Variants in LAMA2 observed in about 807,000 individuals in gnomAD.
LAMA2 encodes the protein laminin subunit alpha-2.
A neutral mutation model predicts 364.8 loss-of-function variants in LAMA2; 269 were observed. That is an observed-to-expected ratio of 0.74 (90% CI 0.67 to 0.82). The LOEUF is 0.82. Among genes scored for constraint, LAMA2 ranks in the 40% least tolerant of loss-of-function variants. The probability of loss-of-function intolerance (pLI) is 0.00; values close to 1 mark genes in which losing one functional copy is unlikely to be tolerated. For missense variants in LAMA2, 3,807 were observed against 3,873.2 expected (o/e 0.98, Z 0.45); for synonymous variants, 1,379 against 1,370.6 (o/e 1.01, Z -0.14).
At chr6:129,319,638 A>G (rs1021705802) in intron 27 of LAMA2, among the ~76,000 whole-genome samples, 4 of 152,190 alleles carry the variant, frequency 2.6e-5, no homozygotes, top group African/African-American at 4.8e-5. Flanking sequence ...CTTGAACAAC[A>G]TGGTGGTTAG....
Position 129,144,088 on chromosome 6 carries a change from A to G in LAMA2, c.819+8A>G. 1 of 1,601,528 alleles carries G rather than the reference A, an allele frequency of 6.2e-7. No homozygotes were observed. Among genetic ancestry groups the G allele is most frequent in the African/African-American group, 1.3e-5 (1 of 74,744 alleles). The stretch of plus-strand genomic sequence containing the variant: ...CCCATTGTCACCAGAAGAGTAAGTT[A>G]TGATGAATCATATTAGAGCCTACAA... On this transcript the variant is annotated splice_region_variant and intron_variant, in intron 5 of 64. Coordinates refer to ENST00000421865, the MANE Select transcript of LAMA2 (RefSeq NM_000426.4).
chr6:129,363,606 T>C (rs190983295), intron 32 of LAMA2, among the ~76,000 whole-genome samples: 9 of 152,214 alleles, frequency 5.9e-5, no homozygotes, highest in African/African-American at 1.9e-4. Flanking sequence ...CTACTCAAAG[T>C]GTGGTGCACA....
chr6:128,909,688 G>C (rs1456445911), intron 1 of LAMA2, among the ~76,000 whole-genome samples: 2 of 150,520 alleles, frequency 1.3e-5, no homozygotes, highest in Non-Finnish European at 3.0e-5. Context: ...GATGATGTTA[G>C]CTGGTTATTT....
intron 29 of LAMA2, among the ~76,000 whole-genome samples, chr6:129,340,626 A>G (rs1181998960): frequency 2.0e-5 from 3 of 152,056 alleles, no homozygotes; most frequent in African/African-American, 7.2e-5. Flanking sequence ...ACCTGAGGTC[A>G]GGAGTTCAAG....
chr6:129,313,253 T>C (rs1300041678), intron 23 of LAMA2, among the ~76,000 whole-genome samples, 156 bp downstream of exon 23: 1 of 152,226 alleles, frequency 6.6e-6, no homozygotes, highest in Non-Finnish European at 1.5e-5. Context: ...TTCATTGATA[T>C]GCATTTGTTG....
At chr6:129,220,524 T>A (rs1476107484) in intron 12 of LAMA2, among the ~76,000 whole-genome samples, 1 of 152,218 alleles carries the variant, frequency 6.6e-6, no homozygotes, top group Non-Finnish European at 1.5e-5. Context: ...TTATTGTTGG[T>A]CTATCAATCA....
At chr6:129,399,007 A>C (rs1234771374) in intron 37 of LAMA2, among the ~76,000 whole-genome samples, 1 of 152,194 alleles carries the variant, frequency 6.6e-6, no homozygotes, top group Non-Finnish European at 1.5e-5. Flanking sequence ...TAATAGATTC[A>C]ATGTGTTGTC....
At chr6:129,068,334 A>G (rs1773070732) in intron 3 of LAMA2, among the ~76,000 whole-genome samples, 1 of 152,232 alleles carries the variant, frequency 6.6e-6, no homozygotes, top group African/African-American at 2.4e-5. Context: ...ACAAAGTACC[A>G]GATGAGGTGG....
At chr6:129,165,992 C>T (rs547526071) in intron 9 of LAMA2, among the ~76,000 whole-genome samples, 42 of 152,082 alleles carry the variant, frequency 2.8e-4, no homozygotes, top group African/African-American at 8.7e-4. Context: ...TTTTTCATAT[C>T]GTGTTATTTA....
chr6:129,262,699 A>G (rs1244371902), intron 15 of LAMA2, among the ~76,000 whole-genome samples: 1 of 152,098 alleles, frequency 6.6e-6, no homozygotes, highest in Non-Finnish European at 1.5e-5. Flanking sequence ...TAAATTCACT[A>G]TTATTCAGTC....
At chr6:129,376,517 A>C (rs1778384101) in intron 34 of LAMA2, among the ~76,000 whole-genome samples, 1 of 152,096 alleles carries the variant, frequency 6.6e-6, no homozygotes, top group South Asian at 2.1e-4. Context: ...TCTTCCCCTG[A>C]CTTCCCTTAG....
At chr6:129,022,106 T>C (rs576627351) in intron 1 of LAMA2, among the ~76,000 whole-genome samples, 142 of 152,344 alleles carry the variant, frequency 9.3e-4, no homozygotes, top group Admixed American at 2.2e-3. Context: ...TGGTGAAGAC[T>C]AAGTGGTTTT....
At chr6:129,200,633 G>A (rs1005480723) in intron 12 of LAMA2, among the ~76,000 whole-genome samples, 5 of 151,828 alleles carry the variant, frequency 3.3e-5, no homozygotes, top group African/African-American at 1.2e-4. Flanking sequence ...TCCATGAATG[G>A]AATTAATGCC....
intron 8 of LAMA2, among the ~76,000 whole-genome samples, chr6:129,155,911 T>C (rs544235846): frequency 1.3e-5 from 2 of 152,028 alleles, no homozygotes; most frequent in South Asian, 4.1e-4. Flanking sequence ...ATATTAGGAT[T>C]ATTGCTTAGA....
chr6:129,150,895 A>G (rs1486448859), intron 7 of LAMA2, among the ~76,000 whole-genome samples: 1 of 152,182 alleles, frequency 6.6e-6, no homozygotes, highest in Non-Finnish European at 1.5e-5. Flanking sequence ...AAATCCCTCC[A>G]TAAAATGAAT....
At chr6:129,412,616 A>G (rs1390272795) in intron 40 of LAMA2, among the ~76,000 whole-genome samples, 1 of 152,242 alleles carries the variant, frequency 6.6e-6, no homozygotes, top group African/African-American at 2.4e-5. Flanking sequence ...TTAAATCCAT[A>G]TACAACAATC....
intron 37 of LAMA2, among the ~76,000 whole-genome samples, chr6:129,400,015 G>C (rs1239445125): frequency 1.3e-5 from 2 of 152,122 alleles, no homozygotes; most frequent in Admixed American, 1.3e-4. Context: ...AAACTGAGTG[G>C]CTTATATGCA....
At chr6:129,394,954 C>A (rs1298944083) in intron 37 of LAMA2, among the ~76,000 whole-genome samples, 1 of 152,120 alleles carries the variant, frequency 6.6e-6, no homozygotes, top group Non-Finnish European at 1.5e-5. Flanking sequence ...TTAAAAGTTA[C>A]TGGATAAAAT....
At chr6:128,883,844 A>C (rs981626180) in intron 1 of LAMA2, among the ~76,000 whole-genome samples, 1 of 151,344 alleles carries the variant, frequency 6.6e-6, no homozygotes, top group Non-Finnish European at 1.5e-5. Context: ...ACATATATAT[A>C]TATATAAAGT....
Sources: allele counts gnomAD v4.1 joint callset (sites outside exome capture counted in the v4.1 genomes callset), GRCh38; gene constraint gnomAD v4.1.1; transcripts MANE v1.5; gene names NCBI Gene and HGNC (gene_info 2026-07-23, HGNC 2026-07-21).